GPR26: variants seen among roughly 807,000 people sequenced by gnomAD.
GPR26 encodes the protein G protein-coupled receptor 26.
A neutral mutation model predicts 23.1 loss-of-function variants in GPR26; 15 were observed. The ratio of observed to expected loss-of-function variants is 0.65; its 90% CI spans 0.43 to 1.00. GPR26 has a LOEUF of 1.00. Among genes scored for constraint, GPR26 ranks in the 50% least tolerant of loss-of-function variants. The pLI is 0.00. For missense variants in GPR26, 359 were observed against 470.5 expected (o/e 0.76, Z 2.19); for synonymous variants, 228 against 222.1 (o/e 1.03, Z -0.24).
At chr10:123,669,945 A>G (rs1845232145) in intron 1 of GPR26, among the ~76,000 whole-genome samples, 3 of 152,048 alleles carry the variant, frequency 2.0e-5, no homozygotes, top group African/African-American at 7.2e-5. Flanking sequence ...ACTTCTCCCA[A>G]ACCATAGCTG....
chr10:123,686,508 C>T (rs887235541), intron 2 of GPR26, among the ~76,000 whole-genome samples: 2 of 152,190 alleles, frequency 1.3e-5, no homozygotes, highest in Non-Finnish European at 2.9e-5. Flanking sequence ...AGAGGGTCCT[C>T]AGAGTGGACT....
In GPR26 at chr10:123,693,400, G is replaced by C. The variant is rs751235098; in HGVS notation, c.*5240G>C. ...CCCTGGCACCAAAGTGGACCTCTTTGCACCTTGCAGCCGGGAGAACTGACT... is the reference window on the plus strand; with the variant it reads ...CCCTGGCACCAAAGTGGACCTCTTTCCACCTTGCAGCCGGGAGAACTGACT... On this transcript the variant is annotated 3_prime_UTR_variant, in exon 3 of 3. Coordinates refer to ENST00000284674, the MANE Select transcript of GPR26 (RefSeq NM_153442.4). The C allele has an allele frequency of 2.0e-5, 3 of 152,256 alleles. No homozygotes were observed. The highest frequency in any genetic ancestry group is 4.4e-5 in the Non-Finnish European group (3 of 68,102). 9.4% of individuals were successfully genotyped at this position (152,256 alleles called of 1,614,324 possible).
At chr10:123,680,982 G>T (rs553875637) in intron 2 of GPR26, among the ~76,000 whole-genome samples, 2 of 152,190 alleles carry the variant, frequency 1.3e-5, no homozygotes, top group South Asian at 4.2e-4. Context: ...TGGGACTGCA[G>T]GTGCGCACCA....
Position 123,674,880 on chromosome 10 carries a change from G to A in GPR26, c.731G>A (p.Ser244Asn). 6.2e-7 allele frequency: 1 copy of A among 1,613,704 alleles called. No individual in the cohort carries two copies. The highest frequency in any genetic ancestry group is 8.5e-7 in the Non-Finnish European group (1 of 1,179,856). The change falls in exon 2 of 3, where the codon AGC (serine) becomes AAC (asparagine). Residue 244 changes from serine (S) to asparagine (N), a missense_variant. Coordinates refer to ENST00000284674, the MANE Select transcript of GPR26 (RefSeq NM_153442.4). The surrounding 1 kb of genome is among the most constrained non-coding windows in gnomAD (Gnocchi z 4.1). ...CGACAGCGAGCCACCAAGAAGATCA[G>A]CACCTTCATAGGGACCTTCCTTGTG... ...RRRQRATKKI[S>N]TFIGTFLVCF...
intron 2 of GPR26, among the ~76,000 whole-genome samples, chr10:123,677,869 A>C (rs1845327318): frequency 6.6e-6 from 1 of 152,178 alleles, no homozygotes; most frequent in Non-Finnish European, 1.5e-5. Context: ...CACTTGAAAC[A>C]TGGCCTGTCC....
chr10:123,683,257 A>G (rs1845398324), intron 2 of GPR26, among the ~76,000 whole-genome samples: 1 of 152,230 alleles, frequency 6.6e-6, no homozygotes, highest in Non-Finnish European at 1.5e-5. Flanking sequence ...CCCACCTTCC[A>G]GTTTCAAATC....
At chr10:123,667,238 G>A (rs888661452) in intron 1 of GPR26, among the ~76,000 whole-genome samples, 163 bp downstream of exon 1, 1 of 152,170 alleles carries the variant, frequency 6.6e-6, no homozygotes, top group Non-Finnish European at 1.5e-5. Context: ...AGGTGCTTAG[G>A]GTATCAGCAA....
rs370694682 is a variant in GPR26, at chr10:123,667,166, G to C, written c.668+91G>C. 59 of 976,522 alleles carry C rather than the reference G, an allele frequency of 6.0e-5. 1 individual carries two copies. Among genetic ancestry groups the C allele is most frequent in the Admixed American group, 8.7e-5 (3 of 34,608 alleles). The allele number at this position is 976,522 out of a possible 1,614,324, so 60.5% of individuals were successfully genotyped here. A position where few individuals can be genotyped will look rare whatever the true frequency, so the allele number is the denominator to read the frequency against. ...CTAGCCCCAGGGGCTCTTTTCCACC[G>C]AGCCTCTGTTTCTTCTGAGAACTCG... is the stretch of plus-strand genomic sequence containing the variant. On this transcript the variant is annotated intron_variant, in intron 1 of 2. Transcript: ENST00000284674.
chr10:123,693,286 T>C lies in GPR26; in HGVS notation c.*5126T>C, dbSNP rs1330081050. 3.3e-5 allele frequency: 5 copies of C among 152,158 alleles called. No homozygotes were observed. The highest frequency in any genetic ancestry group is 1.2e-4 in the African/African-American group (5 of 41,422). The allele number at this position is 152,158 out of a possible 1,614,324, so 9.4% of individuals were successfully genotyped here. A position where few individuals can be genotyped will look rare whatever the true frequency, so the allele number is the denominator to read the frequency against. On this transcript the variant is annotated 3_prime_UTR_variant, in exon 3 of 3. Transcript: ENST00000284674. The stretch of plus-strand genomic sequence containing the variant: ...TGCCGACAGGGAATCTATCTAATTG[T>C]TTTAGTGTGTGAGGCTCATTGTCAG...
Position 123,696,749 on chromosome 10 carries a change from T to C in GPR26, c.*8589T>C, listed in dbSNP as rs2133937255. 6.6e-6 allele frequency among the ~76,000 whole-genome samples: 1 copy of C among 152,290 alleles called. No homozygotes were observed. Among genetic ancestry groups the C allele is most frequent in the South Asian group, 2.1e-4 (1 of 4,822 alleles). ...AGTGAATGTGCCCATAACCCTGTGC[T>C]CCCATAAGTCTGTGTGCCCGTGATC... is the stretch of plus-strand genomic sequence containing the variant. On this transcript the variant is annotated 3_prime_UTR_variant, in exon 3 of 3. Transcript: ENST00000284674.
Position 123,693,728 on chromosome 10 carries a change from A to C in GPR26, c.*5568A>C, listed in dbSNP as rs1845513776. 1 of 152,198 alleles carries C rather than the reference A, an allele frequency of 6.6e-6. No homozygotes were observed. 9.4% of individuals were successfully genotyped at this position (152,198 alleles called of 1,614,324 possible). On this transcript the variant is annotated 3_prime_UTR_variant, in exon 3 of 3. Transcript: ENST00000284674. ...TCCAGGCTTGCTCCTGCCTCCTCAC[A>C]CCTCATTCCACAAATGCGGAGTGAA...
chr10:123,689,469 C>G lies in GPR26; in HGVS notation c.*1309C>G, dbSNP rs1347432204. On this transcript the variant is annotated 3_prime_UTR_variant, in exon 3 of 3. Coordinates refer to ENST00000284674, the MANE Select transcript of GPR26 (RefSeq NM_153442.4). Reference sequence around the variant, plus strand: ...AAGGAGAGCCACCCCTGCTTTCTGGCCATCTCTTCTTTGTCTACCATTTCA... The same window carrying G: ...AAGGAGAGCCACCCCTGCTTTCTGGGCATCTCTTCTTTGTCTACCATTTCA... 1 of 152,176 alleles carries G rather than the reference C, an allele frequency of 6.6e-6. No individual in the cohort carries two copies. Among genetic ancestry groups the G allele is most frequent in the Non-Finnish European group, 1.5e-5 (1 of 68,048 alleles). The allele number at this position is 152,176 out of a possible 1,614,324, so 9.4% of individuals were successfully genotyped here.
At chr10:123,672,477 C>A (rs1319624700) in intron 1 of GPR26, among the ~76,000 whole-genome samples, 1 of 152,134 alleles carries the variant, frequency 6.6e-6, no homozygotes, top group Non-Finnish European at 1.5e-5. Flanking sequence ...TCCACCAGGT[C>A]CCTGGAGGCC....
At chr10:123,667,170 C>T in intron 1 of GPR26, 95 bp downstream of exon 1, 1 of 956,076 alleles carries the variant, frequency 1.0e-6, no homozygotes, top group Non-Finnish European at 1.5e-6. Flanking sequence ...TCCACCGAGC[C>T]TCTGTTTCTT....
chr10:123,673,721 G>GGAT (rs1170665135), intron 1 of GPR26, among the ~76,000 whole-genome samples: 1 of 152,130 alleles, frequency 6.6e-6, no homozygotes, highest in Non-Finnish European at 1.5e-5. Context: ...ATGAGGCTGT[G>GGAT]GATGGAAGAA....
chr10:123,669,203 C>T (rs1164901377), intron 1 of GPR26, among the ~76,000 whole-genome samples: 2 of 152,232 alleles, frequency 1.3e-5, no homozygotes, highest in African/African-American at 2.4e-5. Context: ...AACAGGCTCC[C>T]TGGACTAATG....
intron 2 of GPR26, among the ~76,000 whole-genome samples, chr10:123,675,819 C>T (rs7905409): frequency 1.6e-3 from 26 of 16,694 alleles, no homozygotes; most frequent in South Asian, 9.5e-3. Flanking sequence ...TGTGTGTGTA[C>T]GTGTGTGTGT....
chr10:123,666,509 G>A lies in GPR26; in HGVS notation c.102G>A (p.Ala34=). Residue 34 remains alanine, a synonymous_variant, in exon 1 of 3, where the codon GCG becomes GCA. Transcript: ENST00000284674. ...TGCTGCTCTGCCTGCTGCACAGCGC[G>A]GACATCCGCCGCCAGGCGCCGGCGC... The part of the protein sequence containing the change: ...ALVLLCLLHS[A]DIRRQAPALF... The A allele has an allele frequency of 6.3e-7, 1 of 1,576,256 alleles. No individual in the cohort carries two copies.
intron 1 of GPR26, among the ~76,000 whole-genome samples, chr10:123,672,234 G>A (rs1186163537): frequency 1.3e-5 from 2 of 152,178 alleles, no homozygotes; most frequent in African/African-American, 4.8e-5. Context: ...TACTCCCTGA[G>A]TGGAAAAATC....
Sources: gnomAD v4.1 joint callset for allele counts (sites outside exome capture counted in the v4.1 genomes callset) on GRCh38, gnomAD v4.1.1 for gene constraint, Gnocchi (gnomAD v3.1) non-coding constraint, MANE v1.5 for transcripts, NCBI Gene and HGNC (gene_info 2026-07-23, HGNC 2026-07-21) for gene names.